LRRC37A2: variants seen among roughly 807,000 people sequenced by gnomAD.
LRRC37A2 encodes leucine-rich repeat-containing protein 37A2.
LRRC37A2 carries 9 observed loss-of-function variants against 68.8 expected under a neutral mutation model. The observed-to-expected ratio is 0.13, with a 90% CI of 0.08 to 0.23. The LOEUF is 0.23. LRRC37A2 is among the 10% of genes least tolerant of loss of function. The probability of loss-of-function intolerance (pLI) is 1.00; values close to 1 mark genes in which losing one functional copy is unlikely to be tolerated. For missense variants in LRRC37A2, 168 were observed against 950.4 expected, an observed-to-expected ratio of 0.18 and a Z score of 10.82; for synonymous variants, 63 against 367.6, an observed-to-expected ratio of 0.17 and a Z score of 9.48.
the LRRC37A2 span, chr17:46,909,968 C>T: frequency 1.3e-5 from 2 of 152,356 alleles, no homozygotes; most frequent in Non-Finnish European, 2.9e-5. Flanking sequence ...GAGAGTATGG[C>T]TCCTGAGCAC....
the LRRC37A2 span, among the ~76,000 whole-genome samples, chr17:46,821,959 G>C: frequency 6.6e-6 from 1 of 152,218 alleles, no homozygotes; most frequent in African/African-American, 2.4e-5. Context: ...GGAAATCTCC[G>C]ATCCAGGCAC....
the LRRC37A2 span, among the ~76,000 whole-genome samples, chr17:47,001,442 T>C: frequency 6.6e-6 from 1 of 152,202 alleles, no homozygotes; most frequent in Admixed American, 6.5e-5. Context: ...ACTTCCTTTT[T>C]ATAAAATGTA....
At chr17:47,038,317 A>T in the LRRC37A2 span, among the ~76,000 whole-genome samples, 4 of 152,008 alleles carry the variant, frequency 2.6e-5, no homozygotes, top group African/African-American at 9.7e-5. Flanking sequence ...TGAACAGTAA[A>T]AAAACAAAAT....
the LRRC37A2 span, among the ~76,000 whole-genome samples, chr17:46,731,605 A>G: frequency 6.6e-6 from 1 of 152,202 alleles, no homozygotes; most frequent in Admixed American, 6.5e-5. Context: ...TACGTGGCCC[A>G]GCTTGGGAGA....
exon 11 of LRRC37A2, chr17:46,550,419 A>C (rs752059933): frequency 1.3e-6 from 1 of 774,150 alleles, no homozygotes; most frequent in South Asian, 2.3e-5. Flanking sequence ...TTTTAGCTCA[A>C]AAAAGAAGTT....
chr17:46,767,649 C>T, the LRRC37A2 span, among the ~76,000 whole-genome samples: 1 of 152,218 alleles, frequency 6.6e-6, no homozygotes, highest in African/African-American at 2.4e-5. Flanking sequence ...TTCCAGCCCC[C>T]CATCTCCAAA....
intron 6 of LRRC37A2, among the ~76,000 whole-genome samples, chr17:46,539,214 A>G (rs1290293296): frequency 1.4e-5 from 1 of 72,780 alleles, no homozygotes; most frequent in Non-Finnish European, 3.6e-5. Flanking sequence ...CCATCTCAGA[A>G]AAAAAAAAAA....
chr17:47,030,918 T>C, the LRRC37A2 span, among the ~76,000 whole-genome samples: 151 of 152,224 alleles, frequency 9.9e-4, 1 homozygote, highest in African/African-American at 3.4e-3. Flanking sequence ...TGATCGATGA[T>C]GAATTGAATA....
chr17:46,985,636 C>G, the LRRC37A2 span, among the ~76,000 whole-genome samples: 15 of 152,040 alleles, frequency 9.9e-5, no homozygotes, highest in African/African-American at 3.6e-4. Flanking sequence ...AGACAGGCAT[C>G]CCAGGTGACA....
chr17:46,931,144 G>A, the LRRC37A2 span: 23 of 1,611,072 alleles, frequency 1.4e-5, no homozygotes, highest in African/African-American at 2.7e-5. Context: ...ATATTCAGCC[G>A]TCTAGAACGT....
chr17:46,995,832 T>A, the LRRC37A2 span, among the ~76,000 whole-genome samples: 1 of 152,176 alleles, frequency 6.6e-6, no homozygotes, highest in Non-Finnish European at 1.5e-5. Flanking sequence ...TACAGTAGGA[T>A]TTGCTCCTTG....
At chr17:46,822,094 C>T in the LRRC37A2 span, among the ~76,000 whole-genome samples, 2 of 152,206 alleles carry the variant, frequency 1.3e-5, no homozygotes, top group East Asian at 1.9e-4. Context: ...TGGGGAAGTG[C>T]GAAGGGCCGA....
the LRRC37A2 span, among the ~76,000 whole-genome samples, chr17:47,011,935 AT>A: frequency 3.3e-5 from 5 of 152,288 alleles, no homozygotes; most frequent in Admixed American, 3.3e-4. Flanking sequence ...AGATCAAAAA[AT>A]GTCTGGTTAT....
chr17:46,878,299 A>G, the LRRC37A2 span, among the ~76,000 whole-genome samples: 3 of 152,178 alleles, frequency 2.0e-5, no homozygotes, highest in African/African-American at 7.2e-5. Context: ...TTTCAGAATC[A>G]GCTGAATGCT....
chr17:46,749,389 G>T, the LRRC37A2 span, among the ~76,000 whole-genome samples: 1 of 152,144 alleles, frequency 6.6e-6, no homozygotes, highest in Non-Finnish European at 1.5e-5. Context: ...GCCTTGTAAA[G>T]CCAGCGCCAC....
At chr17:46,772,854 A>G in the LRRC37A2 span, among the ~76,000 whole-genome samples, 8 of 143,056 alleles carry the variant, frequency 5.6e-5, no homozygotes, top group African/African-American at 1.8e-4. Flanking sequence ...TTCATTCCCT[A>G]GCTTCTAATA....
the LRRC37A2 span, among the ~76,000 whole-genome samples, chr17:46,838,662 A>T: frequency 6.6e-6 from 1 of 152,106 alleles, no homozygotes. Context: ...TTAAAAATAA[A>T]ATTTAAAAAG....
chr17:46,836,641 C>T, the LRRC37A2 span, among the ~76,000 whole-genome samples: 12 of 152,108 alleles, frequency 7.9e-5, no homozygotes, highest in Non-Finnish European at 1.6e-4. Context: ...CTAAATATGC[C>T]GCATGTTGGG....
At chr17:46,969,946 G>A in the LRRC37A2 span, among the ~76,000 whole-genome samples, 48 of 152,244 alleles carry the variant, frequency 3.2e-4, no homozygotes, top group Admixed American at 2.7e-3. Flanking sequence ...GTGATGTGCG[G>A]GGTGGGGGAA....
Sources: allele counts gnomAD v4.1 joint callset (sites outside exome capture counted in the v4.1 genomes callset), GRCh38; gene constraint gnomAD v4.1.1; transcripts MANE v1.5; gene names NCBI Gene and HGNC (gene_info 2026-07-23, HGNC 2026-07-21).